Variants in CHSY1 observed in about 807,000 individuals in gnomAD.
CHSY1 encodes chondroitin sulfate synthase 1, also known as N-acetylgalactosaminyl-proteoglycan 3-beta-glucuronosyltransferase 1.
In CHSY1, 13 loss-of-function variants were observed where a neutral mutation model predicts 59.8. That is an observed-to-expected ratio of 0.22 (90% CI 0.14 to 0.35). The LOEUF is 0.35. CHSY1 is among the 10% of genes least tolerant of loss of function. The pLI, the probability that CHSY1 is intolerant of heterozygous loss-of-function variation, is 1.00. For missense variants in CHSY1, 947 were observed against 1,030.6 expected (o/e 0.92, Z 1.11); for synonymous variants, 459 against 401.2 (o/e 1.14, Z -1.72).
chr15:101,190,125 G>A (rs1254098943), intron 2 of CHSY1, among the ~76,000 whole-genome samples: 4 of 152,192 alleles, frequency 2.6e-5, no homozygotes, highest in African/African-American at 7.2e-5. Context: ...CAGTTCATAT[G>A]AAGTCTGAGG....
At chr15:101,218,658 C>T (rs564689294) in intron 2 of CHSY1, among the ~76,000 whole-genome samples, 1 of 152,162 alleles carries the variant, frequency 6.6e-6, no homozygotes, top group African/African-American at 2.4e-5. Context: ...CTCATGCCAA[C>T]AGAAGGCTGA....
At position 101,235,231 on chromosome 15, in the gene CHSY1, GC is replaced by G. The variant is rs762321510; in HGVS notation, c.666del (p.Pro223LeufsTer3). 3 of 1,613,928 alleles carry G rather than the reference GC, an allele frequency of 1.9e-6. No homozygotes were observed. The highest frequency in any genetic ancestry group is 2.5e-6 in the Non-Finnish European group (3 of 1,179,958). ...LEPGENFCMG[G>X]PGVIMSREVL... is the part of the protein sequence containing the mutation. Reference sequence around the variant, plus strand: ...ACCTCCCGGCTCATGATCACGCCAGGCCCCCCCATGCAGAAGTTCTCACCAG... The same window carrying G: ...ACCTCCCGGCTCATGATCACGCCAGGCCCCCCATGCAGAAGTTCTCACCAG... On this transcript the variant is annotated frameshift_variant, in exon 2 of 3. Coordinates refer to ENST00000254190, the MANE Select transcript of CHSY1 (RefSeq NM_014918.5). LOFTEE classifies it high-confidence loss of function.
At chr15:101,240,068 T>A (rs973620119) in intron 1 of CHSY1, among the ~76,000 whole-genome samples, 2 of 152,224 alleles carry the variant, frequency 1.3e-5, no homozygotes, top group African/African-American at 4.8e-5. Flanking sequence ...TTATTATCTG[T>A]TCCTTTTTAG....
At chr15:101,248,953 A>ATTTTTTTTTTTT (rs565187410) in intron 1 of CHSY1, among the ~76,000 whole-genome samples, 2 of 111,462 alleles carry the variant, frequency 1.8e-5, no homozygotes, top group Admixed American at 9.2e-5. Context: ...AGCCTGGCTA[A>ATTTTTTTTTTTT]TTTTTTTTTT....
intron 1 of CHSY1, among the ~76,000 whole-genome samples, chr15:101,249,076 G>A (rs8023451): frequency 6.6e-6 from 1 of 150,970 alleles, no homozygotes; most frequent in Non-Finnish European, 1.5e-5. Context: ...GTGCTGGGAT[G>A]ACAGGCGTGA....
At chr15:101,209,664 A>G (rs2038664567) in intron 2 of CHSY1, among the ~76,000 whole-genome samples, 1 of 152,210 alleles carries the variant, frequency 6.6e-6, no homozygotes, top group Non-Finnish European at 1.5e-5. Flanking sequence ...TCAGCAGAGG[A>G]GGAGAAAGGG....
At chr15:101,233,775 C>T (rs1386093505) in intron 2 of CHSY1, among the ~76,000 whole-genome samples, 2 of 152,102 alleles carry the variant, frequency 1.3e-5, no homozygotes, top group Non-Finnish European at 2.9e-5. Flanking sequence ...ATGTCCACTT[C>T]CCTAAAGTTC....
intron 1 of CHSY1, among the ~76,000 whole-genome samples, chr15:101,242,026 T>C (rs1250996133): frequency 6.6e-6 from 1 of 152,232 alleles, no homozygotes; most frequent in Non-Finnish European, 1.5e-5. Context: ...TATATTGTAT[T>C]TACTTGTATT....
chr15:101,243,921 G>A (rs1370398148), intron 1 of CHSY1, among the ~76,000 whole-genome samples: 2 of 152,096 alleles, frequency 1.3e-5, no homozygotes, highest in South Asian at 2.1e-4. Context: ...CAGTCTTTGC[G>A]CCTATGGTCC....
At chr15:101,198,653 T>C (rs940645245) in intron 2 of CHSY1, among the ~76,000 whole-genome samples, 3 of 152,174 alleles carry the variant, frequency 2.0e-5, no homozygotes, top group Admixed American at 6.5e-5. Flanking sequence ...ACTGGATAAC[T>C]TGAGAGGAAA....
At chr15:101,229,158 A>G (rs1020281384) in intron 2 of CHSY1, among the ~76,000 whole-genome samples, 1 of 152,258 alleles carries the variant, frequency 6.6e-6, no homozygotes, top group African/African-American at 2.4e-5. Flanking sequence ...GAGTAACAGA[A>G]AAACAAAGAT....
intron 2 of CHSY1, among the ~76,000 whole-genome samples, chr15:101,226,006 T>C (rs928362592): frequency 1.3e-5 from 2 of 152,238 alleles, no homozygotes; most frequent in Admixed American, 1.3e-4. Context: ...GAGATGTTCA[T>C]GTACCTGGAG....
chr15:101,182,114 C>A (rs2038288422), intron 2 of CHSY1, among the ~76,000 whole-genome samples: 1 of 152,116 alleles, frequency 6.6e-6, no homozygotes, highest in Non-Finnish European at 1.5e-5. Flanking sequence ...AGCTGCAGAC[C>A]TCAATCTACA....
chr15:101,234,570 G>T (rs1217042239), intron 2 of CHSY1, among the ~76,000 whole-genome samples: 2 of 152,116 alleles, frequency 1.3e-5, no homozygotes, highest in African/African-American at 4.8e-5. Flanking sequence ...CTAAGTATTA[G>T]GACAAAAGTA....
chr15:101,228,240 G>A lies in CHSY1; in HGVS notation c.816+6842C>T, dbSNP rs183945584. ...TGTGAGAAAGAGAAAGAAAACAGGA[G>A]TAAAAATGAGTAGAACACAGCATGA... is the stretch of plus-strand genomic sequence containing the variant. On this transcript the variant is annotated intron_variant, in intron 2 of 2. Transcript: ENST00000254190. Among the ~76,000 whole-genome samples, 6 of 151,946 alleles carry A rather than the reference G, an allele frequency of 3.9e-5. No homozygotes were observed. In the East Asian group the frequency reaches 5.8e-4, roughly 15 times the overall value.
chr15:101,183,615 TA>T (rs1370558061), intron 2 of CHSY1, among the ~76,000 whole-genome samples: 1 of 152,154 alleles, frequency 6.6e-6, no homozygotes, highest in Non-Finnish European at 1.5e-5. Flanking sequence ...AAGAAAGCTG[TA>T]AAGAAGATGA....
intron 2 of CHSY1, among the ~76,000 whole-genome samples, chr15:101,218,211 G>A (rs1291602026): frequency 6.6e-6 from 1 of 152,206 alleles, no homozygotes; most frequent in African/African-American, 2.4e-5. Context: ...GGAGAAGCCT[G>A]GAGATATGAC....
chr15:101,191,255 A>G (rs2038440592), intron 2 of CHSY1, among the ~76,000 whole-genome samples: 1 of 152,256 alleles, frequency 6.6e-6, no homozygotes, highest in Admixed American at 6.5e-5. Context: ...GAACTATCAA[A>G]TCATGAAAAG....
At chr15:101,189,647 T>C (rs1347862494) in intron 2 of CHSY1, 6 of 167,816 alleles carry the variant, frequency 3.6e-5, no homozygotes, top group Non-Finnish European at 4.9e-5. Flanking sequence ...AGTATATCTG[T>C]GGGTCAAATA....
Sources: allele counts gnomAD v4.1 joint callset (sites outside exome capture counted in the v4.1 genomes callset), GRCh38; gene constraint gnomAD v4.1.1; transcripts MANE v1.5; gene names NCBI Gene and HGNC (gene_info 2026-07-23, HGNC 2026-07-21).